AUTS2: variants seen among roughly 807,000 people sequenced by gnomAD.
The protein encoded by AUTS2 is autism susceptibility gene 2 protein.
In AUTS2, 17 loss-of-function variants were observed where a neutral mutation model predicts 112.4. The ratio of observed to expected loss-of-function variants is 0.15; its 90% confidence interval spans 0.10 to 0.23. The LOEUF (loss-of-function observed/expected upper bound fraction) is 0.23, where lower values mean the gene tolerates loss of function less well. Ranked by LOEUF, AUTS2 falls within the 10% of genes least tolerant of loss-of-function variation. The probability of loss-of-function intolerance (pLI) is 1.00; values close to 1 mark genes in which losing one functional copy is unlikely to be tolerated. For missense variants in AUTS2, 1,510 were observed against 1,701.6 expected (o/e 0.89, Z 1.98); for synonymous variants, 751 against 702.7 (o/e 1.07, Z -1.09).
At chr7:69,883,914 G>A (rs544558064) in intron 1 of AUTS2, among the ~76,000 whole-genome samples, 3 of 152,182 alleles carry the variant, frequency 2.0e-5, no homozygotes, top group Non-Finnish European at 4.4e-5. Flanking sequence ...GTTTTCATAG[G>A]CTGTGATGGG....
At chr7:70,003,405 A>ATATATATGTTCATATGT (rs1554424874) in intron 2 of AUTS2, among the ~76,000 whole-genome samples, 1 of 113,180 alleles carries the variant, frequency 8.8e-6, no homozygotes, top group South Asian at 2.6e-4. Context: ...AATATATATA[A>ATATATATGTTCATATGT]TATATATGAA....
chr7:70,281,114 G>A (rs912381789), intron 4 of AUTS2, among the ~76,000 whole-genome samples: 1 of 152,008 alleles, frequency 6.6e-6, no homozygotes, highest in East Asian at 1.9e-4. Flanking sequence ...TATGGATATC[G>A]GGGTAAACAT....
intron 5 of AUTS2, among the ~76,000 whole-genome samples, chr7:70,661,991 A>C (rs1461331586): frequency 2.0e-5 from 3 of 152,170 alleles, no homozygotes; most frequent in Non-Finnish European, 4.4e-5. Flanking sequence ...AACCTTCCAC[A>C]GTTCCACCAG....
rs1016644262 is a variant in AUTS2 at position 70,429,151 on chromosome 7, C to G, written c.661-6601C>G. On this transcript the variant is annotated intron_variant, in intron 4 of 18. Transcript: ENST00000342771. Reference sequence around the variant, plus strand: ...TGTACTTTCTCTTTGGAATCACCTGCCTTTTAAATCATACTTTGCTTATGC... The same window carrying G: ...TGTACTTTCTCTTTGGAATCACCTGGCTTTTAAATCATACTTTGCTTATGC... Among the ~76,000 whole-genome samples the G allele has an allele frequency of 5.9e-5, 9 of 152,160 alleles. No individual in the cohort carries two copies. The East Asian group carries it at 7.7e-4, about 13-fold the overall frequency.
intron 4 of AUTS2, among the ~76,000 whole-genome samples, chr7:70,370,959 A>C (rs1018993139): frequency 9.2e-5 from 14 of 152,106 alleles, no homozygotes; most frequent in Admixed American, 3.3e-4. Context: ...AAGTGAAAGC[A>C]TGTTTGAGGG....
chr7:70,025,252 G>T (rs1800461093), intron 2 of AUTS2, among the ~76,000 whole-genome samples: 1 of 152,040 alleles, frequency 6.6e-6, no homozygotes, highest in Admixed American at 6.6e-5. Context: ...TATGGGTGAG[G>T]AAACTGAGGC....
chr7:70,622,085 G>A (rs889114562), intron 5 of AUTS2, among the ~76,000 whole-genome samples: 3 of 151,774 alleles, frequency 2.0e-5, no homozygotes, highest in East Asian at 1.9e-4. Flanking sequence ...TGATCTGCCC[G>A]CCTCGTCCTC....
chr7:70,679,727 G>A (rs1462702046), intron 5 of AUTS2, among the ~76,000 whole-genome samples: 5 of 152,164 alleles, frequency 3.3e-5, no homozygotes, highest in African/African-American at 9.7e-5. Flanking sequence ...TTCTCAATGT[G>A]GCCTGCACAT....
intron 1 of AUTS2, among the ~76,000 whole-genome samples, chr7:69,695,431 G>A (rs1797516234): frequency 6.6e-6 from 1 of 152,048 alleles, no homozygotes; most frequent in African/African-American, 2.4e-5. Flanking sequence ...ACTATATTGT[G>A]TTATTCAGCT....
intron 4 of AUTS2, among the ~76,000 whole-genome samples, chr7:70,192,118 A>G (rs1809932073): frequency 1.3e-5 from 2 of 152,186 alleles, no homozygotes; most frequent in African/African-American, 4.8e-5. Context: ...TCACTATAAA[A>G]ATGGGACCAG....
chr7:69,809,111 G>A (rs963257838), intron 1 of AUTS2, among the ~76,000 whole-genome samples: 9 of 151,366 alleles, frequency 5.9e-5, no homozygotes, highest in East Asian at 1.9e-4. Flanking sequence ...GTCTCGCTCC[G>A]TTGCCCAGGC....
At chr7:69,692,765 C>T (rs557365007) in intron 1 of AUTS2, among the ~76,000 whole-genome samples, 6 of 152,316 alleles carry the variant, frequency 3.9e-5, no homozygotes, top group African/African-American at 1.4e-4. Flanking sequence ...CTTCTAACAA[C>T]CCATTTGTTT....
intron 1 of AUTS2, among the ~76,000 whole-genome samples, chr7:69,809,566 C>A (rs560926094): frequency 6.6e-6 from 1 of 152,162 alleles, no homozygotes; most frequent in Admixed American, 6.5e-5. Flanking sequence ...AAGACAAATA[C>A]CCATGCTCAG....
At chr7:69,753,068 C>A (rs982459715) in intron 1 of AUTS2, among the ~76,000 whole-genome samples, 1 of 152,128 alleles carries the variant, frequency 6.6e-6, no homozygotes. Flanking sequence ...TGGCCTAGGG[C>A]AAGTCACTGA....
chr7:70,188,804 G>A (rs1436558511), intron 4 of AUTS2, among the ~76,000 whole-genome samples: 2 of 148,510 alleles, frequency 1.3e-5, no homozygotes, highest in African/African-American at 2.5e-5. Context: ...TTTTTGAGAC[G>A]GAGTTGCGCT....
chr7:70,290,773 G>A, intron 4 of AUTS2: 1 of 648,082 alleles, frequency 1.5e-6, no homozygotes, highest in South Asian at 4.0e-5. Flanking sequence ...TAATAAATTA[G>A]ATTTTTTAAA....
intron 1 of AUTS2, among the ~76,000 whole-genome samples, chr7:69,622,598 A>G (rs1334452137): frequency 1.3e-5 from 2 of 152,172 alleles, no homozygotes; most frequent in Non-Finnish European, 1.5e-5. Context: ...CTGTGGAAAA[A>G]CACATGTTCA....
chr7:70,069,103 A>G (rs1043699683), intron 2 of AUTS2, among the ~76,000 whole-genome samples: 3 of 152,162 alleles, frequency 2.0e-5, no homozygotes, highest in African/African-American at 7.2e-5. Flanking sequence ...AGGGCTTCCA[A>G]GTGATTAGTG....
At chr7:70,784,753 A>T (rs1217441499) in intron 15 of AUTS2, 189 bp from the exon 16 acceptor site, 1 of 137,980 alleles carries the variant, frequency 7.2e-6, no homozygotes, top group Non-Finnish European at 1.7e-5. Flanking sequence ...AAAAAAAAAA[A>T]AAAAAAAAAA....
Sources: gnomAD v4.1 joint callset for allele counts (sites outside exome capture counted in the v4.1 genomes callset) on GRCh38, gnomAD v4.1.1 for gene constraint, MANE v1.5 for transcripts, NCBI Gene and HGNC (gene_info 2026-07-23, HGNC 2026-07-21) for gene names.